GRK7: variants seen among roughly 807,000 people sequenced by gnomAD.
GRK7 encodes the protein G protein-coupled receptor kinase 7.
GRK7 carries 24 observed loss-of-function variants against 34.1 expected under a neutral mutation model. That is an observed-to-expected ratio of 0.70 (90% CI 0.51 to 0.99). GRK7 has a LOEUF of 0.99. GRK7 is among the 50% of genes least tolerant of loss of function. GRK7 has a pLI of 0.00. For synonymous variants in GRK7, 256 were observed against 279.4 expected (o/e 0.92, Z 0.84); for missense variants, 644 against 707.3 (o/e 0.91, Z 1.02).
chr3:141,799,976 C>T (rs6796429), intron 4 of GRK7, among the ~76,000 whole-genome samples: 9,594 of 152,180 alleles, frequency 0.063, 979 homozygotes, highest in African/African-American at 0.21. Flanking sequence ...GAAATGTGCT[C>T]ATTGGACGGG....
At position 141,778,211 on chromosome 3, in the gene GRK7, C is replaced by T. The variant is rs1184625930; in HGVS notation, c.-74C>T. On this transcript the variant is annotated 5_prime_UTR_variant, in exon 3 of 6. Coordinates refer to ENST00000682958, the MANE Select transcript of GRK7 (RefSeq NM_139209.3). This position sits in a 1 kb window ranked among gnomAD's most constrained non-coding sequence, Gnocchi z 4.1. The stretch of plus-strand genomic sequence containing the variant: ...TGTAAATCCCTTGGACGTTGTCTCA[C>T]CCGGGAAGGGAAAGCAGCCAGCAGC... 2.7e-6 allele frequency: 4 copies of T among 1,504,910 alleles called. No homozygotes were observed. Among genetic ancestry groups the T allele is most frequent in the African/African-American group, 2.8e-5 (2 of 71,438 alleles). The allele number at this position is 1,504,910 out of a possible 1,614,324, so 93.2% of individuals were successfully genotyped here.
At chr3:141,781,303 G>A (rs1402896651) in intron 4 of GRK7, among the ~76,000 whole-genome samples, 8 of 152,182 alleles carry the variant, frequency 5.3e-5, no homozygotes, top group East Asian at 1.9e-4. Flanking sequence ...TGGGGAGGCC[G>A]AGGCGGGTGG....
intron 4 of GRK7, among the ~76,000 whole-genome samples, chr3:141,799,914 G>T (rs979508105): frequency 1.3e-5 from 2 of 152,136 alleles, no homozygotes; most frequent in Non-Finnish European, 2.9e-5. Context: ...AGCAACTTAG[G>T]TTTATCCAGT....
chr3:141,812,165 A>T (rs1304174693), intron 5 of GRK7, among the ~76,000 whole-genome samples: 1 of 152,126 alleles, frequency 6.6e-6, no homozygotes, highest in African/African-American at 2.4e-5. Context: ...TTATAAGAAA[A>T]TCCATTGTAA....
upstream of GRK7, among the ~76,000 whole-genome samples, chr3:141,762,972 G>A (rs377536673): frequency 1.4e-4 from 22 of 152,282 alleles, no homozygotes; most frequent in East Asian, 3.5e-3. Flanking sequence ...GCAATGCCTC[G>A]CCCTGCTTCG....
chr3:141,752,019 T>A, the GRK7 span, among the ~76,000 whole-genome samples: 1 of 152,220 alleles, frequency 6.6e-6, no homozygotes, highest in African/African-American at 2.4e-5. Context: ...AACATGTGCC[T>A]TACTTTACTA....
intron 4 of GRK7, among the ~76,000 whole-genome samples, chr3:141,782,047 G>A (rs2084674522): frequency 6.6e-6 from 1 of 152,242 alleles, no homozygotes; most frequent in Admixed American, 6.5e-5. Flanking sequence ...TGGAAGGGAT[G>A]TTGACAAGAC....
chr3:141,790,779 G>A (rs1376900593), intron 4 of GRK7, among the ~76,000 whole-genome samples: 1 of 152,062 alleles, frequency 6.6e-6, no homozygotes, highest in African/African-American at 2.4e-5. Context: ...GGCCAGGCTG[G>A]TCTGGAACTC....
intron 4 of GRK7, among the ~76,000 whole-genome samples, chr3:141,797,564 G>A (rs1028408366): frequency 1.3e-5 from 2 of 152,166 alleles, no homozygotes; most frequent in African/African-American, 2.4e-5. Flanking sequence ...CTCCTGCCAC[G>A]GCAAACAAAA....
chr3:141,781,767 G>A (rs1288733011), intron 4 of GRK7, among the ~76,000 whole-genome samples: 2 of 152,148 alleles, frequency 1.3e-5, no homozygotes, highest in Non-Finnish European at 2.9e-5. Flanking sequence ...AAAGTGACTT[G>A]CTTAAAATTC....
Position 141,765,708 on chromosome 3 carries a change from C to G in GRK7, c.-245C>G, listed in dbSNP as rs548458396. 2.6e-5 allele frequency among the ~76,000 whole-genome samples: 4 copies of G among 152,114 alleles called. No individual in the cohort carries two copies. The highest frequency in any genetic ancestry group is 2.6e-4 in the Admixed American group (4 of 15,268). On this transcript the variant is annotated 5_prime_UTR_variant, in exon 1 of 6. Transcript: ENST00000682958. ...TGAGCTCAGCCACCCACCGATCCCC[C>G]AGCTGAATGCAACCATAAGAGTGAG... is the stretch of plus-strand genomic sequence containing the variant.
At chr3:141,798,104 A>G (rs550606650) in intron 4 of GRK7, among the ~76,000 whole-genome samples, 3 of 152,224 alleles carry the variant, frequency 2.0e-5, no homozygotes, top group Admixed American at 2.0e-4. Context: ...AGAGGCCAGC[A>G]CCCAACAGCA....
chr3:141,753,244 G>A, the GRK7 span, among the ~76,000 whole-genome samples: 2 of 152,128 alleles, frequency 1.3e-5, no homozygotes, highest in African/African-American at 2.4e-5. Flanking sequence ...TTGGTTTTTA[G>A]TTCTGTAAAG....
At chr3:141,776,540 G>T (rs2084640152) in intron 2 of GRK7, among the ~76,000 whole-genome samples, 1 of 152,164 alleles carries the variant, frequency 6.6e-6, no homozygotes, top group Non-Finnish European at 1.5e-5. Context: ...AGACAGCATG[G>T]TTCAGAGCAG....
intron 5 of GRK7, among the ~76,000 whole-genome samples, chr3:141,814,143 G>A (rs1216092741): frequency 2.0e-5 from 3 of 152,124 alleles, no homozygotes; most frequent in African/African-American, 7.2e-5. Flanking sequence ...AAATGTAAAG[G>A]AGAGACCATG....
chr3:141,779,409 C>CAAAAAAAAAAAAAAA (rs10626329), intron 3 of GRK7, among the ~76,000 whole-genome samples: 3 of 96,514 alleles, frequency 3.1e-5, no homozygotes, highest in Admixed American at 1.2e-4. Flanking sequence ...GAGCAAGACT[C>CAAAAAAAAAAAAAAA]AAAAAAAAAA....
At position 141,778,147 on chromosome 3, in the gene GRK7, C is replaced by T. The variant is rs1030745612; in HGVS notation, c.-113-25C>T. ...CTTCTTACAAGAGAAACCTCTTTCA[C>T]ACCCTCCACGGGTCCCACCCACAGG... On this transcript the variant is annotated intron_variant, in intron 2 of 5. Coordinates refer to ENST00000682958, the MANE Select transcript of GRK7 (RefSeq NM_139209.3). This position sits in a 1 kb window ranked among gnomAD's most constrained non-coding sequence, Gnocchi z 4.1. 3.7e-6 allele frequency: 4 copies of T among 1,077,528 alleles called. No homozygotes were observed. The East Asian group carries it at 9.9e-5, about 27-fold the overall frequency. The allele number at this position is 1,077,528 out of a possible 1,614,324, so 66.7% of individuals were successfully genotyped here.
chr3:141,757,237 G>C, the GRK7 span, among the ~76,000 whole-genome samples: 1 of 149,174 alleles, frequency 6.7e-6, no homozygotes, highest in Non-Finnish European at 1.5e-5. Context: ...CCATGCTGGT[G>C]CGCTGCACCC....
chr3:141,769,187 C>T (rs1454491273), intron 1 of GRK7, among the ~76,000 whole-genome samples: 4 of 152,142 alleles, frequency 2.6e-5, no homozygotes, highest in Non-Finnish European at 4.4e-5. Context: ...AACTGAACAC[C>T]TTCTTCCAGG....
Sources: allele counts gnomAD v4.1 joint callset (sites outside exome capture counted in the v4.1 genomes callset), GRCh38; gene constraint gnomAD v4.1.1; non-coding constraint Gnocchi (gnomAD v3.1); transcripts MANE v1.5; gene names NCBI Gene and HGNC (gene_info 2026-07-23, HGNC 2026-07-21).